DDIAS: variants seen among roughly 807,000 people sequenced by gnomAD.
The protein encoded by DDIAS is DNA damage-induced apoptosis suppressor protein.
A neutral mutation model predicts 15.7 loss-of-function variants in DDIAS; 14 were observed. The ratio of observed to expected loss-of-function variants is 0.89; its 90% CI spans 0.59 to 1.39. DDIAS has a LOEUF of 1.39. DDIAS is among the 40% of genes most tolerant of loss of function. The probability of loss-of-function intolerance (pLI) is 0.00; values close to 1 mark genes in which losing one functional copy is unlikely to be tolerated. For missense variants in DDIAS, 1,035 were observed against 1,130.9 expected (o/e 0.92, Z 1.22); for synonymous variants, 355 against 395.9 (o/e 0.90, Z 1.23).
intron 1 of DDIAS, among the ~76,000 whole-genome samples, chr11:82,903,748 A>T (rs1013069046): frequency 1.3e-5 from 2 of 152,242 alleles, no homozygotes; most frequent in Non-Finnish European, 2.9e-5. Flanking sequence ...AAAACAATTC[A>T]AAACAGCCAC....
At chr11:82,917,521 C>T (rs1488685036) in intron 3 of DDIAS, among the ~76,000 whole-genome samples, 4 of 152,014 alleles carry the variant, frequency 2.6e-5, no homozygotes, top group African/African-American at 4.8e-5. Context: ...GTATATATAC[C>T]ACAGTTTCTT....
chr11:82,907,964 A>G (rs1860464021), intron 1 of DDIAS, among the ~76,000 whole-genome samples: 1 of 152,230 alleles, frequency 6.6e-6, no homozygotes, highest in Non-Finnish European at 1.5e-5. Context: ...AGTGATGGGT[A>G]GATGAACAAA....
In DDIAS at chr11:82,933,400, G is replaced by A; in HGVS notation, c.2062G>A (p.Asp688Asn). The part of the protein sequence containing the change: ...DLFDDIAKEM[D>N]IATEITKKSQ... The stretch of plus-strand genomic sequence containing the variant: ...CTTTGATGATATTGCTAAAGAAATG[G>A]ACATTGCAACTGAGATTACCAAAAA... The change falls in exon 6 of 6, where the codon GAC becomes AAC. Residue 688 changes from aspartate to asparagine, a missense_variant. Asp to Asn is a conservative substitution (Grantham distance 23). Coordinates refer to ENST00000533655, the MANE Select transcript of DDIAS (RefSeq NM_145018.4). The A allele has an allele frequency of 6.2e-7, 1 of 1,613,872 alleles. No homozygotes were observed. The highest frequency in any genetic ancestry group is 8.5e-7 in the Non-Finnish European group (1 of 1,179,928).
intron 2 of DDIAS, chr11:82,913,668 G>A: frequency 2.3e-6 from 1 of 430,960 alleles, no homozygotes; most frequent in Non-Finnish European, 4.5e-6. Flanking sequence ...TATCAAATGA[G>A]CACACTGAAA....
In DDIAS at chr11:82,932,154, G is replaced by A; in HGVS notation, c.816G>A (p.Gln272=). The change falls in exon 6 of 6, where the codon CAG becomes CAA. Residue 272 remains glutamine (Q), a synonymous_variant. Coordinates refer to ENST00000533655, the MANE Select transcript of DDIAS (RefSeq NM_145018.4). ...EQSKAFGTLQ[Q]NRKSISIAEA... is the part of the protein sequence containing the mutation. ...GTAAGGCCTTTGGTACTCTTCAGCA[G>A]AACAGAAAGTCCATCTCCATTGCAG... 1 of 1,614,150 alleles carries A rather than the reference G, an allele frequency of 6.2e-7. No homozygotes were observed. The highest frequency in any genetic ancestry group is 8.5e-7 in the Non-Finnish European group (1 of 1,180,016).
At chr11:82,914,027 C>G (rs1185362890) in intron 2 of DDIAS, 1 of 403,102 alleles carries the variant, frequency 2.5e-6, no homozygotes, top group Admixed American at 3.2e-5. Flanking sequence ...ACCTCCGCAT[C>G]CTAGGTTCAA....
In DDIAS at chr11:82,914,396, T is replaced by C. The variant is rs193263339; in HGVS notation, c.-16-327T>C. On this transcript the variant is annotated intron_variant, in intron 2 of 5. Coordinates refer to ENST00000533655, the MANE Select transcript of DDIAS (RefSeq NM_145018.4). Reference sequence around the variant, plus strand: ...CAACCGGTAGTTTCCTTTGTATTGATGGCAGACACAAGTTGTGTATCTTCT... The same window carrying C: ...CAACCGGTAGTTTCCTTTGTATTGACGGCAGACACAAGTTGTGTATCTTCT... 1.7e-3 allele frequency among the ~76,000 whole-genome samples: 253 copies of C among 152,346 alleles called. 1 individual carries two copies. Among genetic ancestry groups the C allele is most frequent in the African/African-American group, 5.9e-3 (244 of 41,580 alleles).
chr11:82,919,310 T>C (rs1347847190), intron 3 of DDIAS, among the ~76,000 whole-genome samples: 4 of 152,238 alleles, frequency 2.6e-5, no homozygotes, highest in Non-Finnish European at 5.9e-5. Flanking sequence ...CATAAATGGA[T>C]GCTGGATTTT....
chr11:82,907,128 T>C (rs1454582535), intron 1 of DDIAS, among the ~76,000 whole-genome samples: 3 of 152,018 alleles, frequency 2.0e-5, no homozygotes, highest in Non-Finnish European at 2.9e-5. Context: ...TAAAGAATAA[T>C]AAGCATTACC....
chr11:82,920,860 A>T (rs1026865410), intron 3 of DDIAS, among the ~76,000 whole-genome samples: 7 of 152,190 alleles, frequency 4.6e-5, no homozygotes, highest in Non-Finnish European at 7.3e-5. Context: ...CGGTTGTTGG[A>T]TGAAATGCTC....
intron 3 of DDIAS, among the ~76,000 whole-genome samples, chr11:82,919,198 C>T (rs1485868037): frequency 6.6e-6 from 1 of 152,132 alleles, no homozygotes; most frequent in Non-Finnish European, 1.5e-5. Context: ...ATGCTTTCAA[C>T]TTTTCTCCAT....
At chr11:82,920,796 C>T (rs566305046) in intron 3 of DDIAS, among the ~76,000 whole-genome samples, 8 of 152,196 alleles carry the variant, frequency 5.3e-5, no homozygotes, top group Non-Finnish European at 8.8e-5. Flanking sequence ...TGGCTTATCA[C>T]ATGGTCTATC....
At chr11:82,923,612 T>G (rs1182028714) in intron 3 of DDIAS, among the ~76,000 whole-genome samples, 2 of 152,174 alleles carry the variant, frequency 1.3e-5, no homozygotes, top group Non-Finnish European at 2.9e-5. Context: ...CTGCAGAGCC[T>G]TGGGGCTCCA....
intron 1 of DDIAS, among the ~76,000 whole-genome samples, chr11:82,910,794 T>G (rs1420621896): frequency 1.3e-5 from 2 of 151,924 alleles, no homozygotes; most frequent in African/African-American, 4.8e-5. Context: ...TTTTTTTGTT[T>G]TTTGGAGAGA....
Position 82,931,748 on chromosome 11 carries a change from C to G in DDIAS, c.410C>G (p.Pro137Arg), listed in dbSNP as rs184302859. Residue 137 changes from proline to arginine, a missense_variant, in exon 6 of 6, where the codon CCT becomes CGT. Pro to Arg is a moderately radical substitution (Grantham distance 103). Transcript: ENST00000533655. The part of the protein sequence containing the change: ...IFGVTNFENQ[P>R]GQGSDASNFL... ...CTTTCACAGAATTTTGAAAACCAAC[C>G]TGGACAAGGTTCAGATGCCAGTAAC... is the stretch of plus-strand genomic sequence containing the variant. The G allele has an allele frequency of 5.7e-6, 9 of 1,579,834 alleles. No individual in the cohort carries two copies. The East Asian group carries it at 2.0e-4, about 35-fold the overall frequency.
In DDIAS at chr11:82,930,851, G is replaced by A. The variant is rs544705515; in HGVS notation, c.393+577G>A. Reference sequence around the variant, plus strand: ...CATTTTTTTCCACACTGGAATCAGGGTTTTAAAAGAGGACTCCACAACAGA... The same window carrying A: ...CATTTTTTTCCACACTGGAATCAGGATTTTAAAAGAGGACTCCACAACAGA... On this transcript the variant is annotated intron_variant, in intron 5 of 5. Transcript: ENST00000533655. 5.3e-5 allele frequency among the ~76,000 whole-genome samples: 8 copies of A among 152,236 alleles called. No homozygotes were observed. In the East Asian group the frequency reaches 1.2e-3, roughly 22 times the overall value.
intron 3 of DDIAS, among the ~76,000 whole-genome samples, chr11:82,921,898 G>A (rs758345592): frequency 6.6e-6 from 1 of 152,172 alleles, no homozygotes; most frequent in Non-Finnish European, 1.5e-5. Flanking sequence ...TTGTAATGGT[G>A]GTTTGGTAGT....
rs1352089505 is a variant in DDIAS, at chr11:82,933,221, G to T, written c.1883G>T (p.Cys628Phe). The T allele has an allele frequency of 6.2e-7, 1 of 1,611,698 alleles. No individual in the cohort carries two copies. Among genetic ancestry groups the T allele is most frequent in the South Asian group, 1.1e-5 (1 of 90,384 alleles). Residue 628 changes from cysteine to phenylalanine, a missense_variant, in exon 6 of 6, where the codon TGC becomes TTC. By Grantham distance (205) the Cys-to-Phe change is radical. Coordinates refer to ENST00000533655, the MANE Select transcript of DDIAS (RefSeq NM_145018.4). ...AACCAAGATGACAGTTTTACAATTTGCAGGAAACTTACATATCCTTTAGAA... is the reference window on the plus strand; with the variant it reads ...AACCAAGATGACAGTTTTACAATTTTCAGGAAACTTACATATCCTTTAGAA... ...SKNQDDSFTI[C>F]RKLTYPLETL... is the part of the protein sequence containing the mutation.
At position 82,933,045 on chromosome 11, in the gene DDIAS, T is replaced by G; in HGVS notation, c.1707T>G (p.His569Gln). The change falls in exon 6 of 6, where the codon CAT (histidine) becomes CAG (glutamine). Residue 569 changes from histidine to glutamine, a missense_variant. His to Gln is a conservative substitution (Grantham distance 24, BLOSUM62 0). Transcript: ENST00000533655. ...TCTCACCACACAGGGAGAGTGACCATTCTAGTCTAAATAACAAATATTTGA... is the reference window on the plus strand; with the variant it reads ...TCTCACCACACAGGGAGAGTGACCAGTCTAGTCTAAATAACAAATATTTGA... Reference protein sequence around the residue: ...IRISPHRESDHSSLNNKYLNG... With the variant: ...IRISPHRESDQSSLNNKYLNG... 6.2e-7 allele frequency: 1 copy of G among 1,605,744 alleles called. No homozygotes were observed. The highest frequency in any genetic ancestry group is 2.2e-5 in the East Asian group (1 of 44,828).
Sources: allele counts gnomAD v4.1 joint callset (sites outside exome capture counted in the v4.1 genomes callset), GRCh38; gene constraint gnomAD v4.1.1; transcripts MANE v1.5; gene names NCBI Gene and HGNC (gene_info 2026-07-23, HGNC 2026-07-21).